LHPP: variants seen among roughly 807,000 people sequenced by gnomAD.
LHPP encodes the protein phospholysine phosphohistidine inorganic pyrophosphate phosphatase.
Under a neutral mutation model 30.3 loss-of-function variants are expected in LHPP, and 24 were observed. The observed-to-expected ratio is 0.79, with a 90% CI of 0.57 to 1.11. The LOEUF (loss-of-function observed/expected upper bound fraction) is 1.11, where lower values mean the gene tolerates loss of function less well. Ranked by LOEUF, LHPP falls within the 50% of genes most tolerant of loss-of-function variation. LHPP has a pLI of 0.00. For missense variants in LHPP, 356 were observed against 367.2 expected (o/e 0.97, Z 0.25); for synonymous variants, 150 against 157.1 (o/e 0.95, Z 0.34).
intron 6 of LHPP, among the ~76,000 whole-genome samples, chr10:124,549,301 T>C (rs1180216919): frequency 6.6e-6 from 1 of 152,064 alleles, no homozygotes; most frequent in Non-Finnish European, 1.5e-5. Context: ...GGCATGACGG[T>C]GTACACCTGT....
chr10:124,578,573 G>T (rs1013119296), intron 6 of LHPP, among the ~76,000 whole-genome samples: 1 of 152,224 alleles, frequency 6.6e-6, no homozygotes, highest in Non-Finnish European at 1.5e-5. Flanking sequence ...GAGCTCAGAG[G>T]GTGACATCTC....
At chr10:124,537,699 C>T (rs1384784321) in intron 6 of LHPP, among the ~76,000 whole-genome samples, 1 of 152,254 alleles carries the variant, frequency 6.6e-6, no homozygotes, top group African/African-American at 2.4e-5. Flanking sequence ...AGCCAGGTGG[C>T]CCAGGAGCTG....
In LHPP at chr10:124,593,932, C is replaced by T. The variant is rs1390408849; in HGVS notation, c.717-19332C>T. Among the ~76,000 whole-genome samples the T allele has an allele frequency of 6.6e-6, 1 of 152,274 alleles. No homozygotes were observed. The highest frequency in any genetic ancestry group is 1.9e-4 in the East Asian group (1 of 5,200). ...TCCCACAGCTATTGAACACCAGGTC[C>T]TTGCTGCGTCTGGCTGGGCTGCAGA... is the stretch of plus-strand genomic sequence containing the variant. On this transcript the variant is annotated intron_variant, in intron 6 of 6. Coordinates refer to ENST00000368842, the MANE Select transcript of LHPP (RefSeq NM_022126.4). This position sits in a 1 kb window ranked among gnomAD's most constrained non-coding sequence, Gnocchi z 4.9.
chr10:124,536,486 C>T (rs76446558), intron 6 of LHPP, among the ~76,000 whole-genome samples: 31,667 of 152,194 alleles, frequency 0.21, 3,362 homozygotes, highest in Middle Eastern at 0.29. Context: ...AAGCCCCCAG[C>T]CCGGTGGGTC....
intron 6 of LHPP, among the ~76,000 whole-genome samples, chr10:124,595,846 A>C (rs61870251): frequency 0.22 from 33,895 of 152,178 alleles, 4,299 homozygotes; most frequent in Admixed American, 0.27. Context: ...AAAGTGCATG[A>C]ATCTGAAGTG....
Position 124,575,458 on chromosome 10 carries a change from C to A in LHPP, c.717-37806C>A, listed in dbSNP as rs1454040205. ...CCTCTCCAGCTGCCTGAGGCAGAAG[C>A]ACCCGGTTCTCTCTCTGCAGGACCC... is the stretch of plus-strand genomic sequence containing the variant. On this transcript the variant is annotated intron_variant, in intron 6 of 6. Transcript: ENST00000368842. Among the ~76,000 whole-genome samples, 3 of 152,294 alleles carry A rather than the reference C, an allele frequency of 2.0e-5. No homozygotes were observed. In the East Asian group the frequency reaches 5.8e-4, roughly 29 times the overall value.
intron 6 of LHPP, among the ~76,000 whole-genome samples, chr10:124,583,411 C>T (rs1019586535): frequency 1.3e-5 from 2 of 152,136 alleles, no homozygotes; most frequent in Non-Finnish European, 1.5e-5. Context: ...ATTCTTTCCC[C>T]TTTGAATGGT....
Position 124,523,336 on chromosome 10 carries a change from CA to C in LHPP, c.716+6066del, listed in dbSNP as rs1954655122. Among the ~76,000 whole-genome samples the C allele has an allele frequency of 6.6e-6, 1 of 152,200 alleles. No individual in the cohort carries two copies. The highest frequency in any genetic ancestry group is 2.4e-5 in the African/African-American group (1 of 41,448). On this transcript the variant is annotated intron_variant, in intron 6 of 6. Coordinates refer to ENST00000368842, the MANE Select transcript of LHPP (RefSeq NM_022126.4). This position sits in a 1 kb window ranked among gnomAD's most constrained non-coding sequence, Gnocchi z 4.2. ...GGGGTGGCCAGCCGATCTAGGATTC[CA>C]GCCGCCTTGCACAAAGCTGGAAGAC...
Position 124,498,403 on chromosome 10 carries a change from A to T in LHPP, c.624+275A>T, listed in dbSNP as rs1412076489. 11 of 1,545,456 alleles carry T rather than the reference A, an allele frequency of 7.1e-6. No individual in the cohort carries two copies. In the Admixed American group the frequency reaches 2.2e-4, roughly 30 times the overall value. On this transcript the variant is annotated intron_variant, in intron 5 of 6. Coordinates refer to ENST00000368842, the MANE Select transcript of LHPP (RefSeq NM_022126.4). Reference sequence around the variant, plus strand: ...GTTTTTGCTGCTTCTCTGAAAGGATAAGAATTGACAAGTCCTATCAGTGTG... The same window carrying T: ...GTTTTTGCTGCTTCTCTGAAAGGATTAGAATTGACAAGTCCTATCAGTGTG...
intron 6 of LHPP, among the ~76,000 whole-genome samples, chr10:124,519,604 G>A (rs749728966): frequency 7.2e-5 from 11 of 151,940 alleles, no homozygotes; most frequent in African/African-American, 1.5e-4. Context: ...CACCCTTCCC[G>A]GCAAGCCCCC....
At chr10:124,586,742 T>G (rs1482324911) in intron 6 of LHPP, among the ~76,000 whole-genome samples, 1 of 151,814 alleles carries the variant, frequency 6.6e-6, no homozygotes, top group Non-Finnish European at 1.5e-5. Flanking sequence ...CCTGTGGACC[T>G]CCTCTTTGTA....
chr10:124,472,295 A>T (rs1198844326), intron 1 of LHPP, among the ~76,000 whole-genome samples: 2 of 152,208 alleles, frequency 1.3e-5, no homozygotes, highest in Non-Finnish European at 2.9e-5. Flanking sequence ...CCTGGGAGAC[A>T]CAGCAAGACT....
At chr10:124,607,246 G>A (rs753517791) in intron 6 of LHPP, among the ~76,000 whole-genome samples, 9 of 152,216 alleles carry the variant, frequency 5.9e-5, no homozygotes, top group Non-Finnish European at 1.2e-4. Flanking sequence ...TGGCCAGTGT[G>A]GGGCAGGGAC....
intron 6 of LHPP, among the ~76,000 whole-genome samples, chr10:124,567,344 C>T (rs975242260): frequency 1.3e-5 from 2 of 152,242 alleles, no homozygotes; most frequent in East Asian, 1.9e-4. Context: ...ACGCCCGGGC[C>T]GACCAGGGCT....
chr10:124,495,625 C>A (rs1424598163), intron 3 of LHPP, among the ~76,000 whole-genome samples: 1 of 152,152 alleles, frequency 6.6e-6, no homozygotes, highest in African/African-American at 2.4e-5. Flanking sequence ...CAGGGCAGCT[C>A]CCGAGGAGCT....
At chr10:124,469,351 C>T (rs1952658394) in intron 1 of LHPP, among the ~76,000 whole-genome samples, 1 of 152,060 alleles carries the variant, frequency 6.6e-6, no homozygotes, top group South Asian at 2.1e-4. Context: ...ATGATGGGTC[C>T]TCCGATTTTA....
chr10:124,494,082 G>A (rs1183829295), intron 3 of LHPP, among the ~76,000 whole-genome samples: 1 of 152,166 alleles, frequency 6.6e-6, no homozygotes, highest in African/African-American at 2.4e-5. Flanking sequence ...AGATTAGCAT[G>A]CAAAGACAAG....
intron 6 of LHPP, among the ~76,000 whole-genome samples, chr10:124,524,932 A>G (rs1954695669): frequency 6.6e-6 from 1 of 152,262 alleles, no homozygotes; most frequent in African/African-American, 2.4e-5. Context: ...AATACACAGC[A>G]TAATGAATAA....
Position 124,592,391 on chromosome 10 carries a change from A to G in LHPP, c.717-20873A>G, listed in dbSNP as rs910236835. On this transcript the variant is annotated intron_variant, in intron 6 of 6. Transcript: ENST00000368842. The surrounding 1 kb of genome is among the most constrained non-coding windows in gnomAD (Gnocchi z 6.2). ...TGCAGCATACCCGAGCTCTTAAAGC[A>G]CACTGGACCTAGGGCTCAGGTTTGA... is the stretch of plus-strand genomic sequence containing the variant. Among the ~76,000 whole-genome samples, 2 of 152,186 alleles carry G rather than the reference A, an allele frequency of 1.3e-5. No individual in the cohort carries two copies. Among genetic ancestry groups the G allele is most frequent in the African/African-American group, 4.8e-5 (2 of 41,460 alleles).
Sources: gnomAD v4.1 joint callset for allele counts (sites outside exome capture counted in the v4.1 genomes callset) on GRCh38, gnomAD v4.1.1 for gene constraint, Gnocchi (gnomAD v3.1) non-coding constraint, MANE v1.5 for transcripts, NCBI Gene and HGNC (gene_info 2026-07-23, HGNC 2026-07-21) for gene names.